HEATR5B: variants seen among roughly 807,000 people sequenced by gnomAD.
HEATR5B encodes HEAT repeat containing 5B.
Under a neutral mutation model 224.1 loss-of-function variants are expected in HEATR5B, and 156 were observed. The observed-to-expected ratio is 0.70, with a 90% CI of 0.61 to 0.80. HEATR5B has a LOEUF of 0.80. Among genes scored for constraint, HEATR5B ranks in the 30% least tolerant of loss-of-function variants. The pLI is 0.00. For synonymous variants in HEATR5B, 1,027 were observed against 893.0 expected (o/e 1.15, Z -2.68); for missense variants, 2,323 against 2,535.5 (o/e 0.92, Z 1.80).
chr2:37,068,699 T>A lies in HEATR5B; in HGVS notation c.1159A>T (p.Lys387Ter). 2.5e-6 allele frequency: 4 copies of A among 1,614,156 alleles called. No individual in the cohort carries two copies. Among genetic ancestry groups the A allele is most frequent in the Non-Finnish European group, 3.4e-6 (4 of 1,180,020 alleles). The change falls in exon 8 of 36, where the codon AAA becomes TAA. Residue 387 changes from lysine to a stop codon, truncating the protein, a stop_gained. Transcript: ENST00000233099. LOFTEE classifies it high-confidence loss of function. Reference sequence around the variant, plus strand: ...TTCTTACCTACGGCTTTCATTTGTTTTCCAATAGCTTGGCAGATTTCTTTG... The same window carrying A: ...TTCTTACCTACGGCTTTCATTTGTTATCCAATAGCTTGGCAGATTTCTTTG... ...AAKEICQAIG[K>*]QMKAVEAVVN...
intron 3 of HEATR5B, among the ~76,000 whole-genome samples, chr2:37,077,818 G>C (rs1672325847): frequency 6.6e-6 from 1 of 152,150 alleles, no homozygotes; most frequent in South Asian, 2.1e-4. Flanking sequence ...TCACATATTT[G>C]CATTGCTCAC....
chr2:36,990,846 G>C (rs1666279890), intron 33 of HEATR5B, 47 bp from the exon 34 acceptor site: 7 of 1,475,542 alleles, frequency 4.7e-6, no homozygotes, highest in African/African-American at 1.4e-5. Flanking sequence ...AAACATTTTG[G>C]CATTTTATTT....
chr2:36,999,211 G>A (rs181040963), intron 33 of HEATR5B, among the ~76,000 whole-genome samples: 1 of 151,728 alleles, frequency 6.6e-6, no homozygotes, highest in African/African-American at 2.4e-5. Flanking sequence ...AGAGCGAGAC[G>A]CCATCTCAAA....
At chr2:36,995,933 T>C (rs940195601) in intron 33 of HEATR5B, among the ~76,000 whole-genome samples, 1 of 152,178 alleles carries the variant, frequency 6.6e-6, no homozygotes, top group Non-Finnish European at 1.5e-5. Context: ...TTGCCCAGGC[T>C]GGAGTGCAGT....
intron 19 of HEATR5B, among the ~76,000 whole-genome samples, chr2:37,040,798 C>T (rs1424774450): frequency 6.6e-6 from 1 of 150,860 alleles, no homozygotes; most frequent in African/African-American, 2.4e-5. Context: ...GTTGGGGTAT[C>T]ACAGGAAGAG....
chr2:36,994,195 TG>T (rs1185205067), intron 33 of HEATR5B, among the ~76,000 whole-genome samples: 6 of 152,170 alleles, frequency 3.9e-5, no homozygotes, highest in Non-Finnish European at 8.8e-5. Flanking sequence ...AAACCAGGTG[TG>T]GCAAAATGTT....
In HEATR5B at chr2:37,056,603, T is replaced by C; in HGVS notation, c.2236A>G (p.Ser746Gly). 1 of 1,594,916 alleles carries C rather than the reference T, an allele frequency of 6.3e-7. No homozygotes were observed. The highest frequency in any genetic ancestry group is 1.1e-5 in the South Asian group (1 of 87,586). ...KSIEDQLQPN[S>G]ASGSGALEHD... ...TCCAGAGCCCCACTTCCAGAGGCAC[T>C]GTTTGGCTGGAGCTGCAAAAGAGTG... Residue 746 changes from serine to glycine, a missense_variant, in exon 16 of 36, where the codon AGT (serine) becomes GGT (glycine). Physicochemically the swap from Ser to Gly is moderately conservative, Grantham distance 56 (BLOSUM62 0). Around this residue, in one of 12 missense-constraint regions of HEATR5B, gnomAD observed 170 missense variants for 216.7 expected, o/e 0.78. Coordinates refer to ENST00000233099, the MANE Select transcript of HEATR5B (RefSeq NM_019024.3).
At chr2:37,070,538 T>G (rs1232961272) in intron 6 of HEATR5B, 151 bp from the exon 7 acceptor site, 6 of 639,636 alleles carry the variant, frequency 9.4e-6, no homozygotes, top group African/African-American at 9.1e-5. Context: ...TCAATGTACT[T>G]GTAAGCCTGA....
chr2:37,068,807 C>T lies in HEATR5B; in HGVS notation c.1051G>A (p.Val351Met). The stretch of plus-strand genomic sequence containing the variant: ...AAGGAAACACATCGTCTGGAGTACA[C>T]AGCCTCCACATGTGTTTGTGTTGCC... ...PRATQTHVEAVYSRRCVSFIL... is the reference protein window; with the variant it reads ...PRATQTHVEAMYSRRCVSFIL... Residue 351 changes from valine to methionine, a missense_variant, in exon 8 of 36, where the codon GTG becomes ATG. Val to Met is a conservative substitution (Grantham distance 21). Transcript: ENST00000233099. 2 of 1,614,132 alleles carry T rather than the reference C, an allele frequency of 1.2e-6. No homozygotes were observed. Among genetic ancestry groups the T allele is most frequent in the Non-Finnish European group, 1.7e-6 (2 of 1,180,002 alleles).
rs746830526 is a variant in HEATR5B at position 37,075,522 on chromosome 2, G to A, written c.560C>T (p.Thr187Ile). 2.5e-6 allele frequency: 4 copies of A among 1,613,946 alleles called. No homozygotes were observed. The South Asian group carries it at 4.4e-5, about 18-fold the overall frequency. ...ACATCGAACAGCCATTGACCTATCA[G>A]TCAAGAGAGACCTGGCATTCTTGTA... is the stretch of plus-strand genomic sequence containing the variant. Reference protein sequence around the residue: ...DIYKNARSLLTDRSMAVRCAV... With the variant: ...DIYKNARSLLIDRSMAVRCAV... Residue 187 changes from threonine to isoleucine, a missense_variant, in exon 5 of 36, where the codon ACT (threonine) becomes ATT (isoleucine). Transcript: ENST00000233099.
At chr2:37,023,565 T>G (rs1668591908) in intron 24 of HEATR5B, among the ~76,000 whole-genome samples, 1 of 152,146 alleles carries the variant, frequency 6.6e-6, no homozygotes, top group South Asian at 2.1e-4. Flanking sequence ...GGCCAGGAGT[T>G]TGAGACCAGC....
chr2:37,028,009 C>T lies in HEATR5B; in HGVS notation c.3767G>A (p.Cys1256Tyr), dbSNP rs1177489613. ...ATTCTCACACAAATTGATGATTCGACACAGGCAATCGGCAGCAAATACTCG... is the reference window on the plus strand; with the variant it reads ...ATTCTCACACAAATTGATGATTCGATACAGGCAATCGGCAGCAAATACTCG... ...ATRVFAADCL[C>Y]RIINLCENAD... The change falls in exon 24 of 36, where the codon TGT becomes TAT. Residue 1256 changes from cysteine (C) to tyrosine (Y), a missense_variant. Transcript: ENST00000233099. 6.2e-7 allele frequency: 1 copy of T among 1,614,150 alleles called. No homozygotes were observed.
intron 10 of HEATR5B, among the ~76,000 whole-genome samples, chr2:37,064,507 C>G (rs1671470525): frequency 6.6e-6 from 1 of 151,812 alleles, no homozygotes; most frequent in African/African-American, 2.4e-5. Flanking sequence ...CTCTTTCCCT[C>G]TAAAATAAAT....
chr2:37,057,851 A>T (rs1368623728), intron 14 of HEATR5B, among the ~76,000 whole-genome samples: 2 of 152,184 alleles, frequency 1.3e-5, no homozygotes, highest in Non-Finnish European at 2.9e-5. Context: ...TGAAAGACAC[A>T]CACAAACAAA....
chr2:37,025,870 T>G (rs1458332406), intron 24 of HEATR5B, among the ~76,000 whole-genome samples: 2 of 152,224 alleles, frequency 1.3e-5, no homozygotes, highest in Non-Finnish European at 2.9e-5. Context: ...ACTTATTTAT[T>G]TATTTGGCAA....
In HEATR5B at chr2:36,989,938, C is replaced by T. The variant is rs574990039; in HGVS notation, c.5697+710G>A. On this transcript the variant is annotated intron_variant, in intron 34 of 35. Transcript: ENST00000233099. ...TTTTTTTTTTTGAGACGGAGTCTCA[C>T]ACTGTTGCCCAGGCTGGAGTGGTGC... 1.4e-4 allele frequency among the ~76,000 whole-genome samples: 17 copies of T among 122,832 alleles called. 1 individual carries two copies. In the South Asian group the frequency reaches 4.6e-3, roughly 34 times the overall value. 80.6% of individuals were successfully genotyped at this position (122,832 alleles called of 152,430 possible). A position where few individuals can be genotyped will look rare whatever the true frequency, so the allele number is the denominator to read the frequency against.
chr2:36,988,952 G>C lies in HEATR5B; in HGVS notation c.5698-93C>G, dbSNP rs879194049. 10 of 861,610 alleles carry C rather than the reference G, an allele frequency of 1.2e-5. No individual in the cohort carries two copies. The South Asian group carries it at 1.5e-4, about 13-fold the overall frequency. The allele number at this position is 861,610 out of a possible 1,614,324, so 53.4% of individuals were successfully genotyped here. On this transcript the variant is annotated intron_variant, in intron 34 of 35. Coordinates refer to ENST00000233099, the MANE Select transcript of HEATR5B (RefSeq NM_019024.3). ...ATCTTACTATGTACTGAAAATAAGT[G>C]ATACTGCAGGACAAAAATGGAAATT...
At position 37,059,406 on chromosome 2, in the gene HEATR5B, A is replaced by ATGTGTG. The variant is rs529487124; in HGVS notation, c.1850-425_1850-420dup. On this transcript the variant is annotated intron_variant, in intron 12 of 35. Coordinates refer to ENST00000233099, the MANE Select transcript of HEATR5B (RefSeq NM_019024.3). ...GCAACTTTTACAGATATATATGTAT[A>ATGTGTG]TGTGTGTGTGTGTGTGTGTGTGTGT... is the stretch of plus-strand genomic sequence containing the variant. Among the ~76,000 whole-genome samples the ATGTGTG allele has an allele frequency of 3.7e-3, 366 of 100,212 alleles. 1 individual carries two copies. Among genetic ancestry groups the ATGTGTG allele is most frequent in the African/African-American group, 9.8e-3 (242 of 24,730 alleles). The allele number at this position is 100,212 out of a possible 152,430, so 65.7% of individuals were successfully genotyped here. A position where few individuals can be genotyped will look rare whatever the true frequency, so the allele number is the denominator to read the frequency against.
chr2:37,013,585 A>G (rs1358545904), intron 27 of HEATR5B, among the ~76,000 whole-genome samples: 2 of 152,156 alleles, frequency 1.3e-5, no homozygotes, highest in Non-Finnish European at 2.9e-5. Context: ...AATTTAATCA[A>G]ATAAAAGATT....
Sources: gnomAD v4.1 joint callset for allele counts (sites outside exome capture counted in the v4.1 genomes callset) on GRCh38, gnomAD v4.1.1 for gene constraint, gnomAD v4.1.1 regional missense constraint, MANE v1.5 for transcripts, NCBI Gene and HGNC (gene_info 2026-07-23, HGNC 2026-07-21) for gene names.